Variants in SNRNP70 observed in about 807,000 individuals in gnomAD.
SNRNP70 encodes the protein small nuclear ribonucleoprotein U1 subunit 70.
Under a neutral mutation model 50.5 loss-of-function variants are expected in SNRNP70, and 8 were observed. The ratio of observed to expected loss-of-function variants is 0.16; its 90% CI spans 0.09 to 0.29. The LOEUF is 0.29. Ranked by LOEUF, SNRNP70 falls within the 10% of genes least tolerant of loss-of-function variation. SNRNP70 has a pLI of 1.00. For synonymous variants in SNRNP70, 320 were observed against 252.9 expected, an observed-to-expected ratio of 1.27 and a Z score of -2.52; for missense variants, 529 against 663.5, an observed-to-expected ratio of 0.80 and a Z score of 2.23.
intron 6 of SNRNP70, among the ~76,000 whole-genome samples, chr19:49,100,431 G>A (rs572054863): frequency 1.6e-4 from 25 of 152,170 alleles, no homozygotes; most frequent in African/African-American, 5.3e-4. Flanking sequence ...TGCCATCCTC[G>A]GGATGGGACG....
At position 49,090,709 on chromosome 19, in the gene SNRNP70, A is replaced by T. The variant is rs987297597; in HGVS notation, c.265+189A>T. The T allele has an allele frequency of 1.6e-5, 10 of 617,446 alleles. No individual in the cohort carries two copies. In the African/African-American group the frequency reaches 1.7e-4, roughly 10 times the overall value. The allele number at this position is 617,446 out of a possible 1,614,324, so 38.2% of individuals were successfully genotyped here. On this transcript the variant is annotated intron_variant, in intron 4 of 9. Coordinates refer to ENST00000598441, the MANE Select transcript of SNRNP70 (RefSeq NM_003089.6). ...TTTAGGCTTTTCAGCAGCAGAACAT[A>T]GGGTAAAAGTTGGCAGGAAGGGAGA...
chr19:49,097,923 TCTCATTCTTA>T (rs963332738), intron 4 of SNRNP70, among the ~76,000 whole-genome samples: 1 of 152,218 alleles, frequency 6.6e-6, no homozygotes, highest in Non-Finnish European at 1.5e-5. Flanking sequence ...CTTTCCTGGC[TCTCATTCTTA>T]GCCTTGGGGC....
In SNRNP70 at chr19:49,107,941, A is replaced by G; in HGVS notation, c.812A>G (p.Lys271Arg). Reference protein sequence around the residue: ...DRRRRSRSRDKEERRRSRERS... With the variant: ...DRRRRSRSRDREERRRSRERS... ...CGGAGGCGCTCACGGAGTCGCGACA[A>G]GGAGGAGCGGAGGCGCTCCAGGGAG... Residue 271 changes from lysine (K) to arginine (R), a missense_variant, in exon 10 of 10, where the codon AAG becomes AGG. Physicochemically the swap from Lys to Arg is conservative, Grantham distance 26. Around this residue, in one of 4 missense-constraint regions of SNRNP70, gnomAD observed 327 missense variants for 308.8 expected, o/e 1.06. Transcript: ENST00000598441. The surrounding 1 kb of genome is among the most constrained non-coding windows in gnomAD (Gnocchi z 6.0). 6.5e-7 allele frequency: 1 copy of G among 1,547,676 alleles called. No individual in the cohort carries two copies.
chr19:49,104,758 G>A lies in SNRNP70; in HGVS notation c.577+23G>A, dbSNP rs930567202. 13 of 1,452,400 alleles carry A rather than the reference G, an allele frequency of 9.0e-6. No homozygotes were observed. The highest frequency in any genetic ancestry group is 7.7e-5 in the East Asian group (3 of 38,960). 90.0% of individuals were successfully genotyped at this position (1,452,400 alleles called of 1,614,324 possible). A position where few individuals can be genotyped will look rare whatever the true frequency, so the allele number is the denominator to read the frequency against. On this transcript the variant is annotated intron_variant, in intron 8 of 9. Coordinates refer to ENST00000598441, the MANE Select transcript of SNRNP70 (RefSeq NM_003089.6). This position sits in a 1 kb window ranked among gnomAD's most constrained non-coding sequence, Gnocchi z 5.4. ...TAGGTGAGCACATCCTGCCTTCGAC[G>A]GGCTCTCGGGGGCCCTGGGCCTGGT...
intron 6 of SNRNP70, among the ~76,000 whole-genome samples, 165 bp from the exon 7 acceptor site, chr19:49,101,225 G>A (rs1197743061): frequency 6.6e-6 from 1 of 152,224 alleles, no homozygotes; most frequent in Non-Finnish European, 1.5e-5. Flanking sequence ...CCGCCTCTGT[G>A]TCCTCTGCTC....
rs371183970 is a variant in SNRNP70, at chr19:49,105,457, G to A, written c.577+722G>A. Among the ~76,000 whole-genome samples the A allele has an allele frequency of 3.3e-4, 50 of 152,284 alleles. No individual in the cohort carries two copies. The East Asian group carries it at 7.0e-3, about 21-fold the overall frequency. ...AAGAGCTGGGGCAACCAGGCCAGGC[G>A]TGGTGGCTCGCCTGTAATCCCAGCA... is the stretch of plus-strand genomic sequence containing the variant. On this transcript the variant is annotated intron_variant, in intron 8 of 9. Coordinates refer to ENST00000598441, the MANE Select transcript of SNRNP70 (RefSeq NM_003089.6).
At chr19:49,101,243 TA>T in intron 6 of SNRNP70, 146 bp from the exon 7 acceptor site, 1 of 650,966 alleles carries the variant, frequency 1.5e-6, no homozygotes, top group South Asian at 1.7e-5. Context: ...CTCCTGCCAT[TA>T]GAACATAAGT....
chr19:49,095,520 C>A (rs1345617854), intron 4 of SNRNP70, among the ~76,000 whole-genome samples: 1 of 151,924 alleles, frequency 6.6e-6, no homozygotes, highest in Admixed American at 6.6e-5. Flanking sequence ...CATATGAACC[C>A]CATGAGGGTA....
intron 7 of SNRNP70, 122 bp downstream of exon 7, chr19:49,101,593 T>C (rs1600286213): frequency 1.5e-6 from 1 of 673,964 alleles, no homozygotes. Flanking sequence ...TCTCTTCTCC[T>C]CCTCCCTCTG....
Position 49,108,407 on chromosome 19 carries a change from G to A in SNRNP70, c.1278G>A (p.Pro426=), listed in dbSNP as rs768791700. 11 of 1,610,452 alleles carry A rather than the reference G, an allele frequency of 6.8e-6. No individual in the cohort carries two copies. The highest frequency in any genetic ancestry group is 3.3e-5 in the South Asian group (3 of 90,420). ...ESEGGDGYLA[P]ENGYLMEAAP... is the part of the protein sequence containing the mutation. Reference sequence around the variant, plus strand: ...AGGGCGGCGACGGCTACCTGGCTCCGGAGAATGGGTATTTGATGGAGGCTG... The same window carrying A: ...AGGGCGGCGACGGCTACCTGGCTCCAGAGAATGGGTATTTGATGGAGGCTG... Residue 426 remains proline (P), a synonymous_variant, in exon 10 of 10, where the codon CCG becomes CCA. Coordinates refer to ENST00000598441, the MANE Select transcript of SNRNP70 (RefSeq NM_003089.6).
chr19:49,095,748 A>T (rs920209495), intron 4 of SNRNP70, among the ~76,000 whole-genome samples: 2 of 151,690 alleles, frequency 1.3e-5, no homozygotes, highest in African/African-American at 2.4e-5. Flanking sequence ...GGTCTTCTTG[A>T]ACTCTTGGTC....
rs1245435479 is a variant in SNRNP70, at chr19:49,085,578, G to A, written c.-69G>A. ...GAAGCAGGAGTTGTTGTTGCTGAGG[G>A]GCTGCCGCAGCCGCCGCGAGCCTCC... On this transcript the variant is annotated 5_prime_UTR_variant, in exon 1 of 10. Coordinates refer to ENST00000598441, the MANE Select transcript of SNRNP70 (RefSeq NM_003089.6). The A allele has an allele frequency of 4.4e-6, 2 of 456,066 alleles. No individual in the cohort carries two copies. The highest frequency in any genetic ancestry group is 8.8e-6 in the Non-Finnish European group (2 of 226,796). 28.3% of individuals were successfully genotyped at this position (456,066 alleles called of 1,614,324 possible).
intron 7 of SNRNP70, 156 bp downstream of exon 7, chr19:49,101,627 T>A (rs78755318): frequency 1.1e-4 from 66 of 611,358 alleles, no homozygotes; most frequent in Middle Eastern, 7.3e-4. Context: ...TTTTTTTTTT[T>A]TATATACGTG....
chr19:49,094,347 A>G (rs1483690742), intron 4 of SNRNP70, among the ~76,000 whole-genome samples: 1 of 152,042 alleles, frequency 6.6e-6, no homozygotes, highest in Non-Finnish European at 1.5e-5. Context: ...GAAAATATAA[A>G]AATTATCTGG....
chr19:49,098,739 G>A (rs1274097024), intron 6 of SNRNP70, 35 bp downstream of exon 6: 7 of 1,545,840 alleles, frequency 4.5e-6, no homozygotes, highest in East Asian at 2.2e-5. Context: ...TGAATTGGGG[G>A]TGCATGGAGG....
chr19:49,108,280 G>A lies in SNRNP70; in HGVS notation c.1151G>A (p.Gly384Asp). The change falls in exon 10 of 10, where the codon GGC becomes GAC. Residue 384 changes from glycine to aspartate, a missense_variant. Transcript: ENST00000598441. ...CGCGAGCACAAACGGGGGGAGCGGG[G>A]CAGTGAGCGGGGCAGGGATGAGGCC... The part of the protein sequence containing the change: ...RDREHKRGER[G>D]SERGRDEARG... 3 of 1,564,026 alleles carry A rather than the reference G, an allele frequency of 1.9e-6. No individual in the cohort carries two copies. Among genetic ancestry groups the A allele is most frequent in the Non-Finnish European group, 2.6e-6 (3 of 1,155,184 alleles).
chr19:49,086,306 C>G, intron 1 of SNRNP70, 99 bp from the exon 2 acceptor site: 1 of 1,376,832 alleles, frequency 7.3e-7, no homozygotes, highest in Non-Finnish European at 9.9e-7. Context: ...AATTCCGAGA[C>G]TTTTCTCCTG....
chr19:49,107,997 C>A lies in SNRNP70; in HGVS notation c.868C>A (p.Arg290=), dbSNP rs1481308186. Residue 290 remains arginine (R), a synonymous_variant, in exon 10 of 10, where the codon CGG becomes AGG. Coordinates refer to ENST00000598441, the MANE Select transcript of SNRNP70 (RefSeq NM_003089.6). This position sits in a 1 kb window ranked among gnomAD's most constrained non-coding sequence, Gnocchi z 6.0. Reference sequence around the variant, plus strand: ...CAAGGACAAGGACCGGGACCGGAAGCGGCGAAGCAGCCGGAGTCGGGAGCG... The same window carrying A: ...CAAGGACAAGGACCGGGACCGGAAGAGGCGAAGCAGCCGGAGTCGGGAGCG... ...RSKDKDRDRK[R]RSSRSRERAR... is the part of the protein sequence containing the mutation. The A allele has an allele frequency of 6.5e-7, 1 of 1,547,670 alleles. No individual in the cohort carries two copies. Among genetic ancestry groups the A allele is most frequent in the Non-Finnish European group, 8.7e-7 (1 of 1,146,074 alleles).
intron 8 of SNRNP70, among the ~76,000 whole-genome samples, chr19:49,105,063 A>T (rs1412333974): frequency 6.6e-6 from 1 of 152,040 alleles, no homozygotes; most frequent in Non-Finnish European, 1.5e-5. Flanking sequence ...AGCTCAGTGT[A>T]CTGGGCGCCC....
Sources: allele counts gnomAD v4.1 joint callset (sites outside exome capture counted in the v4.1 genomes callset), GRCh38; gene constraint gnomAD v4.1.1; regional missense constraint gnomAD v4.1.1; non-coding constraint Gnocchi (gnomAD v3.1); transcripts MANE v1.5; gene names NCBI Gene and HGNC (gene_info 2026-07-23, HGNC 2026-07-21).